EMC1: variants seen among roughly 807,000 people sequenced by gnomAD.
EMC1 encodes the protein ER membrane protein complex subunit 1.
A neutral mutation model predicts 128.8 loss-of-function variants in EMC1; 103 were observed. The ratio of observed to expected loss-of-function variants is 0.80; its 90% CI spans 0.68 to 0.94. EMC1 has a LOEUF of 0.94. Ranked by LOEUF, EMC1 falls within the 40% of genes least tolerant of loss-of-function variation. The pLI is 0.00. For missense variants in EMC1, 1,083 were observed against 1,250.6 expected (o/e 0.87, Z 2.02); for synonymous variants, 442 against 490.4 (o/e 0.90, Z 1.30).
chr1:19,227,669 C>T (rs1171028836), intron 17 of EMC1, among the ~76,000 whole-genome samples: 1 of 152,028 alleles, frequency 6.6e-6, no homozygotes, highest in African/African-American at 2.4e-5. Context: ...GAGTTCAAGA[C>T]CAACCTGGCC....
intron 17 of EMC1, among the ~76,000 whole-genome samples, chr1:19,230,266 T>A (rs1020147475): frequency 2.0e-5 from 3 of 152,038 alleles, no homozygotes; most frequent in African/African-American, 7.2e-5. Context: ...AAGTCCCATC[T>A]CTCTGCTATA....
Position 19,232,758 on chromosome 1 carries a change from T to C in EMC1, c.1648A>G (p.Ser550Gly). Residue 550 changes from serine to glycine, a missense_variant, in exon 15 of 23, where the codon AGC (serine) becomes GGC (glycine). By Grantham distance (56) the Ser-to-Gly change is moderately conservative. Transcript: ENST00000477853. Reference sequence around the variant, plus strand: ...TTCCACAGGATGGTGCCAGAGCTGCTCTCAATGCCAAAAAGCTGCAAGATA... The same window carrying C: ...TTCCACAGGATGGTGCCAGAGCTGCCCTCAATGCCAAAAAGCTGCAAGATA... ...TASGKLFGIE[S>G]SSGTILWKQY... 1 of 1,614,094 alleles carries C rather than the reference T, an allele frequency of 6.2e-7. No individual in the cohort carries two copies. Among genetic ancestry groups the C allele is most frequent in the Admixed American group, 1.7e-5 (1 of 60,000 alleles).
At chr1:19,244,832 A>G (rs1189417385) in intron 2 of EMC1, 74 bp downstream of exon 2, 1 of 1,564,332 alleles carries the variant, frequency 6.4e-7, no homozygotes, top group Non-Finnish European at 8.8e-7. Flanking sequence ...TTCAGGAATC[A>G]GCCAGGCAGA....
At chr1:19,227,091 T>C (rs1382316642) in intron 18 of EMC1, among the ~76,000 whole-genome samples, 2 of 152,150 alleles carry the variant, frequency 1.3e-5, no homozygotes, top group Admixed American at 6.5e-5. Flanking sequence ...TTACTTACCA[T>C]ATGCTAGGCA....
chr1:19,249,263 A>G (rs1271572396), intron 1 of EMC1, among the ~76,000 whole-genome samples: 1 of 141,552 alleles, frequency 7.1e-6, no homozygotes, highest in Non-Finnish European at 1.5e-5. Context: ...ACATTTACTC[A>G]CCAACCACTT....
intron 2 of EMC1, 120 bp downstream of exon 2, chr1:19,244,786 A>C: frequency 8.7e-7 from 1 of 1,146,442 alleles, no homozygotes; most frequent in Non-Finnish European, 1.3e-6. Flanking sequence ...ATCAGAATCC[A>C]CTAGGAGAGG....
At position 19,232,932 on chromosome 1, in the gene EMC1, T is replaced by A; in HGVS notation, c.1632+4A>T. On this transcript the variant is annotated splice_donor_region_variant and intron_variant, in intron 14 of 22. Coordinates refer to ENST00000477853, the MANE Select transcript of EMC1 (RefSeq NM_015047.3). ...TCAGTAACTGGAGCTTAAACCCCAC[T>A]CACCTTGCCTGAGGCTGTTACCATC... 1 of 1,613,876 alleles carries A rather than the reference T, an allele frequency of 6.2e-7. No homozygotes were observed.
At position 19,223,448 on chromosome 1, in the gene EMC1, T is replaced by C. The variant is rs1191490268; in HGVS notation, c.2324A>G (p.Gln775Arg). Residue 775 changes from glutamine (Q) to arginine (R), a missense_variant, in exon 19 of 23, where the codon CAG (glutamine) becomes CGG (arginine). By Grantham distance (43) the Gln-to-Arg change is conservative (BLOSUM62 1). Transcript: ENST00000477853. The part of the protein sequence containing the change: ...VTGRIIHSSV[Q>R]KKAKGPVHIV... Reference sequence around the variant, plus strand: ...ATGGACAGGGCCTTTGGCTTTCTTCTGCACAGAGGAGTGAATGATACGCCC... The same window carrying C: ...ATGGACAGGGCCTTTGGCTTTCTTCCGCACAGAGGAGTGAATGATACGCCC... 2.5e-6 allele frequency: 4 copies of C among 1,614,082 alleles called. No individual in the cohort carries two copies. The highest frequency in any genetic ancestry group is 2.2e-5 in the East Asian group (1 of 44,886).
At chr1:19,243,756 C>T (rs2093618822) in intron 3 of EMC1, 49 bp from the exon 4 acceptor site, 4 of 1,587,520 alleles carry the variant, frequency 2.5e-6, no homozygotes, top group Non-Finnish European at 3.5e-6. Context: ...TGCTCTGTCG[C>T]TTCCTAGGGT....
chr1:19,220,054 G>A (rs961583090), intron 21 of EMC1: 6 of 229,902 alleles, frequency 2.6e-5, no homozygotes, highest in African/African-American at 1.1e-4. Context: ...GTGCCTCTCA[G>A]TCCCCATTTC....
At chr1:19,221,134 G>A (rs1282643851) in intron 20 of EMC1, 1 of 241,158 alleles carries the variant, frequency 4.1e-6, no homozygotes, top group African/African-American at 2.3e-5. Flanking sequence ...AGGCCACTTG[G>A]ATTTCCTCAT....
At position 19,216,753 on chromosome 1, in the gene EMC1, T is replaced by A. The variant is rs1458984448; in HGVS notation, c.*2550A>T. 6.6e-6 allele frequency: 1 copy of A among 152,254 alleles called. No homozygotes were observed. The highest frequency in any genetic ancestry group is 1.5e-5 in the Non-Finnish European group (1 of 68,072). 9.4% of individuals were successfully genotyped at this position (152,254 alleles called of 1,614,324 possible). ...TTGCCCAGGCTGGAATGCAGTAGCA[T>A]GTTCATGGCTCACTGCAGCCTCGAC... On this transcript the variant is annotated 3_prime_UTR_variant, in exon 23 of 23. Coordinates refer to ENST00000477853, the MANE Select transcript of EMC1 (RefSeq NM_015047.3).
chr1:19,231,843 G>A (rs1049936855), intron 15 of EMC1, among the ~76,000 whole-genome samples: 18 of 152,102 alleles, frequency 1.2e-4, no homozygotes, highest in Non-Finnish European at 4.4e-5. Flanking sequence ...GGCTGGTCTC[G>A]AACTCCTGGA....
At position 19,239,917 on chromosome 1, in the gene EMC1, G is replaced by T; in HGVS notation, c.855C>A (p.Asp285Glu). The T allele has an allele frequency of 6.2e-7, 1 of 1,614,130 alleles. No homozygotes were observed. Among genetic ancestry groups the T allele is most frequent in the Non-Finnish European group, 8.5e-7 (1 of 1,179,992 alleles). Residue 285 changes from aspartate to glutamate, a missense_variant, in exon 8 of 23, where the codon GAC (aspartate) becomes GAA (glutamate). Transcript: ENST00000477853. ...RVLPTQPNPVDASRAQFFLHL... is the reference protein window; with the variant it reads ...RVLPTQPNPVEASRAQFFLHL... ...GCAGGAAGAACTGGGCCCGGGAAGC[G>T]TCCACTGGGTTGGGCTGGGTAGGCA...
chr1:19,245,592 C>T (rs2093628139), intron 1 of EMC1, among the ~76,000 whole-genome samples: 1 of 151,090 alleles, frequency 6.6e-6, no homozygotes, highest in Non-Finnish European at 1.5e-5. Context: ...TATTTACCTT[C>T]AGATAAGTGA....
Position 19,222,796 on chromosome 1 carries a change from A to C in EMC1, c.2415T>G (p.Phe805Leu), listed in dbSNP as rs187230046. The C allele has an allele frequency of 3.8e-4, 615 of 1,613,422 alleles. No homozygotes were observed. Among genetic ancestry groups the C allele is most frequent in the Non-Finnish European group, 4.9e-4 (577 of 1,179,470 alleles). ...YWNTKARRNE[F>L]TVLELYEGTE... The stretch of plus-strand genomic sequence containing the variant: ...TGCCCTCATAGAGCTCCAGTACGGT[A>C]AACTCGTTGCGCCGAGCCTTGGTGT... Residue 805 changes from phenylalanine to leucine, a missense_variant, in exon 20 of 23, where the codon TTT becomes TTG. By Grantham distance (22) the Phe-to-Leu change is conservative. This residue lies in a region of EMC1 where 527 missense variants were observed against 644.1 expected (regional missense o/e 0.82). Transcript: ENST00000477853.
At chr1:19,234,851 A>T (rs2093551293) in intron 13 of EMC1, among the ~76,000 whole-genome samples, 2 of 151,072 alleles carry the variant, frequency 1.3e-5, no homozygotes, top group South Asian at 4.2e-4. Context: ...TGTCTCAAAA[A>T]AAGAAAAAAA....
intron 5 of EMC1, 97 bp downstream of exon 5, chr1:19,242,248 C>T: frequency 7.4e-7 from 1 of 1,342,438 alleles, no homozygotes; most frequent in South Asian, 1.3e-5. Context: ...AAGAGACAGG[C>T]CTGGGTTAAA....
At chr1:19,251,307 C>T in intron 1 of EMC1, 108 bp downstream of exon 1, 1 of 1,030,486 alleles carries the variant, frequency 9.7e-7, no homozygotes, top group South Asian at 1.4e-5. Flanking sequence ...TGTACTGGGT[C>T]CTGCAAATTA....
Sources: allele counts gnomAD v4.1 joint callset (sites outside exome capture counted in the v4.1 genomes callset), GRCh38; gene constraint gnomAD v4.1.1; regional missense constraint gnomAD v4.1.1; transcripts MANE v1.5; gene names NCBI Gene and HGNC (gene_info 2026-07-23, HGNC 2026-07-21).